ZBED1: variants seen among roughly 807,000 people sequenced by gnomAD.
ZBED1 encodes the protein E3 SUMO-protein ligase ZBED1.
In ZBED1, 19 loss-of-function variants were observed where a neutral mutation model predicts 49.7. The observed-to-expected ratio is 0.38, with a 90% CI of 0.27 to 0.56. The LOEUF is 0.56. Among genes scored for constraint, ZBED1 ranks in the 20% least tolerant of loss-of-function variants. ZBED1 has a pLI of 0.70. For synonymous variants in ZBED1, 439 were observed against 440.3 expected, an observed-to-expected ratio of 1.00 and a Z score of 0.04; for missense variants, 806 against 972.6, an observed-to-expected ratio of 0.83 and a Z score of 2.28.
At position 2,490,285 on chromosome X, in the gene ZBED1, G is replaced by C. The variant is rs777092860; in HGVS notation, c.435C>G (p.Asp145Glu). The C allele has an allele frequency of 1.2e-6, 2 of 1,613,580 alleles. No individual in the cohort carries two copies. The highest frequency in any genetic ancestry group is 1.7e-5 in the Admixed American group (1 of 60,004). Residue 145 changes from aspartate to glutamate, a missense_variant, in exon 2 of 2, where the codon GAC (aspartate) becomes GAG (glutamate). This residue lies in a region of ZBED1 where 749 missense variants were observed against 861.3 expected (regional missense o/e 0.87). Transcript: ENST00000652001. The stretch of plus-strand genomic sequence containing the variant: ...TCAGCAGCACCTTGAAGGTGGGCTC[G>C]TCCACGATGGAGGCTGGGTACAGCC... ...CEGLYPASIV[D>E]EPTFKVLLKT... is the part of the protein sequence containing the mutation.
intron 1 of ZBED1, among the ~76,000 whole-genome samples, chrX:2,498,625 G>GGA (rs1556035826): frequency 1.1e-3 from 142 of 128,756 alleles, no homozygotes; most frequent in African/African-American, 3.7e-3. Flanking sequence ...CAGTAAATGG[G>GGA]AAAAAAAAAA....
At chrX:2,497,557 G>C (rs2045314953) in intron 1 of ZBED1, among the ~76,000 whole-genome samples, 1 of 152,058 alleles carries the variant, frequency 6.6e-6, no homozygotes, top group Non-Finnish European at 1.5e-5. Context: ...TTTGTAAGTG[G>C]GCCAGTTGGC....
At chrX:2,499,444 A>C (rs958188326) in intron 1 of ZBED1, among the ~76,000 whole-genome samples, 2 of 151,952 alleles carry the variant, frequency 1.3e-5, no homozygotes, top group Non-Finnish European at 2.9e-5. Flanking sequence ...ATTCCAGTTC[A>C]CAAATAATTG....
intron 1 of ZBED1, among the ~76,000 whole-genome samples, chrX:2,495,823 C>T (rs1324100749): frequency 1.3e-5 from 2 of 152,058 alleles, no homozygotes; most frequent in Admixed American, 1.3e-4. Flanking sequence ...AGGGGGCCGG[C>T]GATTTCACGT....
rs773430147 is a variant in ZBED1 at position 2,489,057 on chromosome X, T to C, written c.1663A>G (p.Thr555Ala). ...NNMLAEIFCQ[T>A]GGVEDQEEWH... ...TCTTCCTGGTCCTCCACGCCGCCTG[T>C]CTGGCAGAAGATCTCGGCCAGCATG... The change falls in exon 2 of 2, where the codon ACA (threonine) becomes GCA (alanine). Residue 555 changes from threonine (T) to alanine (A), a missense_variant. This residue lies in a region of ZBED1 where 749 missense variants were observed against 861.3 expected (regional missense o/e 0.87). Coordinates refer to ENST00000652001, the MANE Select transcript of ZBED1 (RefSeq NM_001171136.2). 9 of 1,613,754 alleles carry C rather than the reference T, an allele frequency of 5.6e-6. No individual in the cohort carries two copies. The South Asian group carries it at 9.9e-5, about 18-fold the overall frequency.
intron 1 of ZBED1, among the ~76,000 whole-genome samples, chrX:2,494,454 T>C (rs2045233015): frequency 6.6e-6 from 1 of 151,912 alleles, no homozygotes; most frequent in Non-Finnish European, 1.5e-5. Flanking sequence ...GTTTATATTC[T>C]ATTTTATTAC....
intron 1 of ZBED1, among the ~76,000 whole-genome samples, chrX:2,493,378 G>A (rs927905874): frequency 6.6e-6 from 1 of 151,970 alleles, no homozygotes; most frequent in African/African-American, 2.4e-5. Flanking sequence ...GGAGGAAAAG[G>A]TTTACATTCC....
intron 1 of ZBED1, among the ~76,000 whole-genome samples, chrX:2,493,142 G>A (rs1233578630): frequency 6.6e-6 from 1 of 152,166 alleles, no homozygotes; most frequent in Non-Finnish European, 1.5e-5. Context: ...AAGGTGCTGA[G>A]AGAATGAATA....
rs145020131 is a variant in ZBED1, at chrX:2,490,865, C to T, written c.-53-93G>A. The T allele has an allele frequency of 3.7e-5, 43 of 1,171,640 alleles. 1 individual carries two copies. The African/African-American group carries it at 4.0e-4, about 11-fold the overall frequency. 72.6% of individuals were successfully genotyped at this position (1,171,640 alleles called of 1,614,324 possible). A position where few individuals can be genotyped will look rare whatever the true frequency, so the allele number is the denominator to read the frequency against. On this transcript the variant is annotated intron_variant, in intron 1 of 1. Coordinates refer to ENST00000652001, the MANE Select transcript of ZBED1 (RefSeq NM_001171136.2). Reference sequence around the variant, plus strand: ...GACAGACAGGGTGCCGGGGCAGCTCCGCTTTCAACCAAAGGGCACTGGGGC... The same window carrying T: ...GACAGACAGGGTGCCGGGGCAGCTCTGCTTTCAACCAAAGGGCACTGGGGC...
chrX:2,487,799 A>C lies in ZBED1; in HGVS notation c.*836T>G, dbSNP rs2044985765. ...TCATCTGTCACATTTTTAACCGAAC[A>C]TTAAAAAAAAAGGTCTCTCTTTTTA... On this transcript the variant is annotated 3_prime_UTR_variant, in exon 2 of 2. Transcript: ENST00000652001. 1 of 151,190 alleles carries C rather than the reference A, an allele frequency of 6.6e-6. No homozygotes were observed. Among genetic ancestry groups the C allele is most frequent in the African/African-American group, 2.4e-5 (1 of 41,304 alleles). 9.4% of individuals were successfully genotyped at this position (151,190 alleles called of 1,614,324 possible).
In ZBED1 at chrX:2,500,905, C is replaced by A; in HGVS notation, c.-142G>T. On this transcript the variant is annotated 5_prime_UTR_variant, in exon 1 of 2. Coordinates refer to ENST00000652001, the MANE Select transcript of ZBED1 (RefSeq NM_001171136.2). ...CCGCGTAGACCCGCAGGGCCGCCCG[C>A]GCCGCAGACAATGGCGACATGGCTG... 8.9e-7 allele frequency: 1 copy of A among 1,121,212 alleles called. No homozygotes were observed. The allele number at this position is 1,121,212 out of a possible 1,614,324, so 69.5% of individuals were successfully genotyped here. A position where few individuals can be genotyped will look rare whatever the true frequency, so the allele number is the denominator to read the frequency against.
Position 2,490,199 on chromosome X carries a change from G to C in ZBED1, c.521C>G (p.Pro174Arg), listed in dbSNP as rs1393748618. The C allele has an allele frequency of 5.0e-6, 8 of 1,613,994 alleles. No individual in the cohort carries two copies. The highest frequency in any genetic ancestry group is 6.8e-6 in the Non-Finnish European group (8 of 1,179,874). ...SRKYISTKAI[P>R]EKYGAVREVI... ...CTCCCGGACGGCCCCGTACTTCTCA[G>C]GGATGGCCTTGGTAGAGATGTACTT... The change falls in exon 2 of 2, where the codon CCT becomes CGT. Residue 174 changes from proline to arginine, a missense_variant. Physicochemically the swap from Pro to Arg is moderately radical, Grantham distance 103. Transcript: ENST00000652001.
At chrX:2,492,778 G>C (rs1247877580) in intron 1 of ZBED1, among the ~76,000 whole-genome samples, 1 of 152,202 alleles carries the variant, frequency 6.6e-6, no homozygotes, top group African/African-American at 2.4e-5. Flanking sequence ...AGCCTCCGGA[G>C]GGAGCGCAGC....
chrX:2,490,396 G>A lies in ZBED1; in HGVS notation c.324C>T (p.Asp108=), dbSNP rs3752331. Reference sequence around the variant, plus strand: ...CGTGGCCGGCCTTGACGGCCAGCGCGTCCTGCCCGGGCTGCTGGGACGACT... The same window carrying A: ...CGTGGCCGGCCTTGACGGCCAGCGCATCCTGCCCGGGCTGCTGGGACGACT... ...KPESSQQPGQ[D]ALAVKAGHGY... Residue 108 remains aspartate, a synonymous_variant, in exon 2 of 2, where the codon GAC becomes GAT. Transcript: ENST00000652001. 0.27 allele frequency: 439,327 copies of A among 1,613,508 alleles called. 62,574 individuals carry two copies. Among genetic ancestry groups the A allele is most frequent in the South Asian group, 0.32 (28,794 of 91,066 alleles).
chrX:2,490,760 G>C lies in ZBED1; in HGVS notation c.-41C>G. On this transcript the variant is annotated 5_prime_UTR_variant, in exon 2 of 2. Transcript: ENST00000652001. Reference sequence around the variant, plus strand: ...GCCTGCCTGCTGGACGGCTGCTCATGCGTGGGGACCTGCTGAGAAGGGCCA... The same window carrying C: ...GCCTGCCTGCTGGACGGCTGCTCATCCGTGGGGACCTGCTGAGAAGGGCCA... 1 of 1,588,728 alleles carries C rather than the reference G, an allele frequency of 6.3e-7. No individual in the cohort carries two copies. Among genetic ancestry groups the C allele is most frequent in the Non-Finnish European group, 8.6e-7 (1 of 1,166,958 alleles).
In ZBED1 at chrX:2,488,397, T is replaced by G; in HGVS notation, c.*238A>C. The stretch of plus-strand genomic sequence containing the variant: ...GCCATGTTGGCCAGGCTGGTCTCGA[T>G]CTCCTGACCTCAGCTGATCTGCCCA... On this transcript the variant is annotated 3_prime_UTR_variant, in exon 2 of 2. Transcript: ENST00000652001. 2.1e-6 allele frequency: 1 copy of G among 484,174 alleles called. No individual in the cohort carries two copies. 30.0% of individuals were successfully genotyped at this position (484,174 alleles called of 1,614,324 possible).
chrX:2,488,514 T>C lies in ZBED1; in HGVS notation c.*121A>G. ...AAATCTCTTTCCTTTTTCCACCTTC[T>C]AGGTGTCAAAGACAGTGGATGGTCT... On this transcript the variant is annotated 3_prime_UTR_variant, in exon 2 of 2. Coordinates refer to ENST00000652001, the MANE Select transcript of ZBED1 (RefSeq NM_001171136.2). 1.6e-6 allele frequency: 2 copies of C among 1,280,038 alleles called. No homozygotes were observed. Among genetic ancestry groups the C allele is most frequent in the Non-Finnish European group, 2.1e-6 (2 of 944,404 alleles). The allele number at this position is 1,280,038 out of a possible 1,614,324, so 79.3% of individuals were successfully genotyped here. A position where few individuals can be genotyped will look rare whatever the true frequency, so the allele number is the denominator to read the frequency against.
rs747003848 is a variant in ZBED1, at chrX:2,489,887, G to A, written c.833C>T (p.Ala278Val). 8.1e-6 allele frequency: 13 copies of A among 1,613,864 alleles called. No homozygotes were observed. The highest frequency in any genetic ancestry group is 4.5e-5 in the East Asian group (2 of 44,874). ...CACTGCGACGTCCAGCAGGGAGCAC[G>A]CCTTCACGATGTCCTTGCCATAGTT... is the stretch of plus-strand genomic sequence containing the variant. ...TTNYGKDIVK[A>V]CSLLDVAVHM... The change falls in exon 2 of 2, where the codon GCG becomes GTG. Residue 278 changes from alanine to valine, a missense_variant. Coordinates refer to ENST00000652001, the MANE Select transcript of ZBED1 (RefSeq NM_001171136.2).
chrX:2,499,756 A>G (rs1249023387), intron 1 of ZBED1, among the ~76,000 whole-genome samples: 1 of 152,120 alleles, frequency 6.6e-6, no homozygotes. Flanking sequence ...AAAAAAATTA[A>G]AACATTAGAC....
Sources: allele counts gnomAD v4.1 joint callset (sites outside exome capture counted in the v4.1 genomes callset), GRCh38; gene constraint gnomAD v4.1.1; regional missense constraint gnomAD v4.1.1; transcripts MANE v1.5; gene names NCBI Gene and HGNC (gene_info 2026-07-23, HGNC 2026-07-21).